The following TNN variants were observed in gnomAD, a reference collection of about 807,000 sequenced individuals.
TNN encodes tenascin N, also known as tenascin-N.
In TNN, 122 loss-of-function variants were observed where a neutral mutation model predicts 134.4. The ratio of observed to expected loss-of-function variants is 0.91; its 90% CI spans 0.78 to 1.06. The LOEUF (loss-of-function observed/expected upper bound fraction) is 1.06. Among genes scored for constraint, TNN ranks in the 50% least tolerant of loss-of-function variants. TNN has a pLI of 0.00. For synonymous variants in TNN, 710 were observed against 670.3 expected, an observed-to-expected ratio of 1.06 and a Z score of -0.91; for missense variants, 1,739 against 1,699.4, an observed-to-expected ratio of 1.02 and a Z score of -0.41.
intron 9 of TNN, among the ~76,000 whole-genome samples, chr1:175,115,101 G>A (rs1009137735): frequency 3.3e-5 from 5 of 152,030 alleles, no homozygotes; most frequent in African/African-American, 4.8e-5. Flanking sequence ...TGGCCAGTAG[G>A]GTGGGGTGTC....
intron 6 of TNN, among the ~76,000 whole-genome samples, chr1:175,086,372 G>C (rs1233979217): frequency 6.6e-6 from 1 of 152,176 alleles, no homozygotes; most frequent in Non-Finnish European, 1.5e-5. Context: ...TGGAAAACAT[G>C]GTAGGCATAC....
At chr1:175,085,982 C>A (rs183555227) in intron 6 of TNN, among the ~76,000 whole-genome samples, 2 of 151,894 alleles carry the variant, frequency 1.3e-5, no homozygotes, top group Non-Finnish European at 2.9e-5. Context: ...GCAAACTTTT[C>A]CTATTTCAAA....
chr1:175,079,219 G>A, intron 2 of TNN, 114 bp from the exon 3 acceptor site: 5 of 1,146,176 alleles, frequency 4.4e-6, no homozygotes, highest in Non-Finnish European at 5.8e-6. Context: ...GAAATCACCA[G>A]ACCCTTAAGA....
intron 8 of TNN, among the ~76,000 whole-genome samples, 183 bp from the exon 9 acceptor site, chr1:175,098,149 T>G (rs1386511861): frequency 6.6e-6 from 1 of 152,188 alleles, no homozygotes; most frequent in African/African-American, 2.4e-5. Flanking sequence ...TTTATAATGA[T>G]TCCTCCTTTG....
intron 4 of TNN, 116 bp downstream of exon 4, chr1:175,080,542 C>T (rs1284051624): frequency 2.4e-6 from 3 of 1,254,264 alleles, no homozygotes; most frequent in Non-Finnish European, 2.2e-6. Context: ...AACACACCTG[C>T]CACAATCCTA....
Position 175,139,912 on chromosome 1 carries a change from G to A in TNN, c.3595+2924G>A, listed in dbSNP as rs569590914. ...TATGCAGTCCCTTGTTAACTGAAAT[G>A]TTCTTATGCAGGGCATGACTGTATA... On this transcript the variant is annotated intron_variant, in intron 17 of 18. Transcript: ENST00000239462. Among the ~76,000 whole-genome samples, 3 of 152,314 alleles carry A rather than the reference G, an allele frequency of 2.0e-5. 1 individual carries two copies. The South Asian group carries it at 6.2e-4, about 32-fold the overall frequency.
chr1:175,145,567 A>AAAAAAAAAAAAAAAAC (rs1676044356), intron 18 of TNN, among the ~76,000 whole-genome samples: 1 of 148,344 alleles, frequency 6.7e-6, no homozygotes, highest in Non-Finnish European at 1.5e-5. Context: ...AAAAAAAAAA[A>AAAAAAAAAAAAAAAAC]AAAAAAAAGC....
chr1:175,084,911 G>T (rs533147781), intron 5 of TNN, among the ~76,000 whole-genome samples: 34 of 152,314 alleles, frequency 2.2e-4, no homozygotes, highest in African/African-American at 8.2e-4. Flanking sequence ...AGGATCCCTT[G>T]AGCCCAGGAG....
At chr1:175,113,276 G>A (rs1371400018) in intron 9 of TNN, among the ~76,000 whole-genome samples, 1 of 152,094 alleles carries the variant, frequency 6.6e-6, no homozygotes, top group African/African-American at 2.4e-5. Context: ...TCCTTTTCTG[G>A]GAAAGACTTT....
At chr1:175,108,409 C>G (rs1674917281) in intron 9 of TNN, among the ~76,000 whole-genome samples, 1 of 152,260 alleles carries the variant, frequency 6.6e-6, no homozygotes, top group African/African-American at 2.4e-5. Flanking sequence ...GTGGATCCCG[C>G]ACTGGGGCTG....
intron 6 of TNN, 128 bp from the exon 7 acceptor site, chr1:175,093,862 G>T (rs1371277616): frequency 1.1e-6 from 1 of 921,716 alleles, no homozygotes; most frequent in African/African-American, 1.7e-5. Context: ...ACTGATGATG[G>T]AGAGACCCCC....
At chr1:175,113,083 G>A (rs900752544) in intron 9 of TNN, among the ~76,000 whole-genome samples, 1 of 152,064 alleles carries the variant, frequency 6.6e-6, no homozygotes, top group Non-Finnish European at 1.5e-5. Context: ...TTGTGATTTG[G>A]TAGGTTTTTG....
intron 9 of TNN, among the ~76,000 whole-genome samples, chr1:175,104,562 C>T (rs1396599551): frequency 2.7e-5 from 4 of 145,862 alleles, no homozygotes; most frequent in Admixed American, 6.9e-5. Context: ...TCTGAACCAC[C>T]AAGGTTTGTT....
At chr1:175,140,574 C>G (rs1035441184) in intron 17 of TNN, among the ~76,000 whole-genome samples, 1 of 152,186 alleles carries the variant, frequency 6.6e-6, no homozygotes, top group African/African-American at 2.4e-5. Context: ...AGGGAGTCAA[C>G]ATGTTTGGTG....
chr1:175,107,112 C>T (rs12094077), intron 9 of TNN, among the ~76,000 whole-genome samples: 38,155 of 145,248 alleles, frequency 0.26, 8,491 homozygotes, highest in African/African-American at 0.39. Flanking sequence ...AAAATGTGTC[C>T]GGAATTGGTG....
At chr1:175,113,006 T>G (rs1675074437) in intron 9 of TNN, among the ~76,000 whole-genome samples, 1 of 152,194 alleles carries the variant, frequency 6.6e-6, no homozygotes, top group Admixed American at 6.5e-5. Flanking sequence ...CTCCTGTCAT[T>G]TGTAAATTGT....
chr1:175,116,968 G>T lies in TNN; in HGVS notation c.2149G>T (p.Asp717Tyr). 1 of 1,614,124 alleles carries T rather than the reference G, an allele frequency of 6.2e-7. No individual in the cohort carries two copies. Among genetic ancestry groups the T allele is most frequent in the Non-Finnish European group, 8.5e-7 (1 of 1,180,018 alleles). The change falls in exon 10 of 19, where the codon GAC becomes TAC. Residue 717 changes from aspartate (D) to tyrosine (Y), a missense_variant. By Grantham distance (160) the Asp-to-Tyr change is radical. Coordinates refer to ENST00000239462, the MANE Select transcript of TNN (RefSeq NM_022093.2). Reference protein sequence around the residue: ...DIDSPQNLVTDRVTENMATVS... With the variant: ...DIDSPQNLVTYRVTENMATVS... ...TGACAGCCCCCAAAACCTGGTGACC[G>T]ACCGGGTGACAGAGAATATGGCCAC...
In TNN at chr1:175,118,654, A is replaced by G. The variant is rs778702016; in HGVS notation, c.2480A>G (p.Tyr827Cys). 1.9e-6 allele frequency: 3 copies of G among 1,614,230 alleles called. No homozygotes were observed. Among genetic ancestry groups the G allele is most frequent in the Non-Finnish European group, 1.7e-6 (2 of 1,180,032 alleles). The change falls in exon 11 of 19, where the codon TAT (tyrosine) becomes TGT (cysteine). Residue 827 changes from tyrosine to cysteine, a missense_variant. By Grantham distance (194) the Tyr-to-Cys change is radical. Coordinates refer to ENST00000239462, the MANE Select transcript of TNN (RefSeq NM_022093.2). ...CCGGTGCAGGCCACCATTGACAGGT[A>G]TGTGGTGCACTACACGTCTGCCAAC... ...WDPVQATIDRYVVHYTSANGE... is the reference protein window; with the variant it reads ...WDPVQATIDRCVVHYTSANGE...
rs1676086275 is a variant in TNN, at chr1:175,147,000, C to G, written c.3829C>G (p.His1277Asp). The G allele has an allele frequency of 2.5e-6, 4 of 1,605,858 alleles. No individual in the cohort carries two copies. Among genetic ancestry groups the G allele is most frequent in the Non-Finnish European group, 3.4e-6 (4 of 1,175,298 alleles). Residue 1277 changes from histidine (H) to aspartate (D), a missense_variant, in exon 19 of 19, where the codon CAT (histidine) becomes GAT (aspartate). Physicochemically the swap from His to Asp is moderately conservative, Grantham distance 81 (BLOSUM62 -1). Coordinates refer to ENST00000239462, the MANE Select transcript of TNN (RefSeq NM_022093.2). ...TTACGTGGAGTTGAAAATCCGCCCT[C>G]ATGGCTACAGCAGGGAGCCTGTCCT... ...IPYVELKIRP[H>D]GYSREPVLGR...
Sources: gnomAD v4.1 joint callset for allele counts (sites outside exome capture counted in the v4.1 genomes callset) on GRCh38, gnomAD v4.1.1 for gene constraint, MANE v1.5 for transcripts, NCBI Gene and HGNC (gene_info 2026-07-23, HGNC 2026-07-21) for gene names.